The following POLG variants were observed in gnomAD, a reference collection of about 807,000 sequenced individuals.
The protein encoded by POLG is DNA polymerase subunit gamma-1.
A neutral mutation model predicts 155.4 loss-of-function variants in POLG; 110 were observed. The observed-to-expected ratio is 0.71, with a 90% confidence interval of 0.61 to 0.83. POLG has a LOEUF of 0.83. POLG is among the 40% of genes least tolerant of loss of function. The probability of loss-of-function intolerance (pLI) is 0.00; values close to 1 mark genes in which losing one functional copy is unlikely to be tolerated. For missense variants in POLG, 1,685 were observed against 1,627.5 expected (o/e 1.04, Z -0.61); for synonymous variants, 701 against 631.5 (o/e 1.11, Z -1.65).
intron 14 of POLG, 147 bp downstream of exon 14, chr15:89,322,595 C>A (rs1320035150): frequency 2.4e-6 from 2 of 817,436 alleles, no homozygotes; most frequent in African/African-American, 3.4e-5. Flanking sequence ...GGAGACCTGC[C>A]CAAGGTCCAT....
Position 89,328,688 on chromosome 15 carries a change from G to A in POLG, c.1167C>T (p.Phe389=). 1 of 1,614,104 alleles carries A rather than the reference G, an allele frequency of 6.2e-7. No individual in the cohort carries two copies. The highest frequency in any genetic ancestry group is 1.1e-5 in the South Asian group (1 of 91,084). The part of the protein sequence containing the change: ...KGTMKDIREN[F]QDLMQYCAQD... ...AGAGCCCCCTCCAGCACCATACCTGGAAGTTCTCACGAATGTCCTTCATGG... is the reference window on the plus strand; with the variant it reads ...AGAGCCCCCTCCAGCACCATACCTGAAAGTTCTCACGAATGTCCTTCATGG... Residue 389 remains phenylalanine (F), a synonymous_variant, in exon 5 of 23, where the codon TTC becomes TTT. Coordinates refer to ENST00000268124, the MANE Select transcript of POLG (RefSeq NM_002693.3).
chr15:89,316,868 A>C, intron 22 of POLG, 41 bp from the exon 23 acceptor site: 1 of 1,410,802 alleles, frequency 7.1e-7, no homozygotes, highest in Non-Finnish European at 1.0e-6. Flanking sequence ...CACCTCAAGA[A>C]CTGTAACTGA....
intron 22 of POLG, 167 bp from the exon 23 acceptor site, chr15:89,316,994 A>G (rs1437411448): frequency 2.4e-5 from 16 of 655,616 alleles, no homozygotes; most frequent in South Asian, 5.1e-5. Flanking sequence ...TTCTTTTTAT[A>G]TAAGTGTGTC....
At chr15:89,332,695 G>T (rs1024572855) in intron 2 of POLG, among the ~76,000 whole-genome samples, 29 of 152,158 alleles carry the variant, frequency 1.9e-4, no homozygotes, top group Admixed American at 1.4e-3. Context: ...CCACAAAAGG[G>T]AGCTTTCTAC....
At chr15:89,330,394 G>T (rs1216098460) in intron 2 of POLG, 118 bp from the exon 3 acceptor site, 2 of 817,248 alleles carry the variant, frequency 2.4e-6, no homozygotes, top group Non-Finnish European at 4.1e-6. Flanking sequence ...GGGGACACAA[G>T]TGAGACCAAA....
At chr15:89,325,127 T>TGAGTGAGTGAGTGAGA (rs2055473351) in intron 10 of POLG, among the ~76,000 whole-genome samples, 1 of 38,206 alleles carries the variant, frequency 2.6e-5, no homozygotes, top group African/African-American at 1.4e-4. Flanking sequence ...AGTGAGTGAG[T>TGAGTGAGTGAGTGAGA]GAGAGAGTGA....
chr15:89,326,711 T>A lies in POLG; in HGVS notation c.1613A>T (p.Glu538Val), dbSNP rs767216577. The A allele has an allele frequency of 5.0e-6, 8 of 1,613,806 alleles. No homozygotes were observed. The Admixed American group carries it at 8.3e-5, about 17-fold the overall frequency. The change falls in exon 9 of 23, where the codon GAG becomes GTG. Residue 538 changes from glutamate to valine, a missense_variant. This residue lies in a region of POLG where 1,210 missense variants were observed against 1,167.1 expected (regional missense o/e 1.04). Transcript: ENST00000268124. ...EDLGPCSEEE[E>V]FQQDVMARAC... The stretch of plus-strand genomic sequence containing the variant: ...GCGGGCCATGACATCTTGTTGAAAC[T>A]CCTCCTCCTCACTGCAGGGGCCGAG...
At position 89,319,332 on chromosome 15, in the gene POLG, C is replaced by T. The variant is rs2055359797; in HGVS notation, c.3000G>A (p.Glu1000=). ...TCAACTCCCTCACCAGCCACTCGCC[C>T]TCATCCGACAGCCGATACCTGGGGG... ...KGLRWYRLSD[E]GEWLVRELNL... Residue 1000 remains glutamate (E), a synonymous_variant, in exon 19 of 23, where the codon GAG becomes GAA. Coordinates refer to ENST00000268124, the MANE Select transcript of POLG (RefSeq NM_002693.3). 1 of 1,614,138 alleles carries T rather than the reference C, an allele frequency of 6.2e-7. No individual in the cohort carries two copies.
chr15:89,329,113 G>A lies in POLG; in HGVS notation c.856-3C>T, dbSNP rs576339221. ...TCCAGGAAACGCATGCGGGAACCCT[G>A]AGGAGGAGGAGGAGAAAAGGGAAGG... is the stretch of plus-strand genomic sequence containing the variant. On this transcript the variant is annotated splice_polypyrimidine_tract_variant and splice_region_variant and intron_variant, in intron 3 of 22. Transcript: ENST00000268124. 5 of 1,600,456 alleles carry A rather than the reference G, an allele frequency of 3.1e-6. No individual in the cohort carries two copies. The South Asian group carries it at 3.3e-5, about 11-fold the overall frequency.
intron 14 of POLG, 71 bp downstream of exon 14, chr15:89,322,671 G>A: frequency 1.3e-6 from 2 of 1,533,486 alleles, no homozygotes; most frequent in South Asian, 2.3e-5. Context: ...TGGGAATCCA[G>A]GGTTAGTCAG....
chr15:89,326,748 T>G lies in POLG; in HGVS notation c.1586-10A>C. 1 of 1,613,966 alleles carries G rather than the reference T, an allele frequency of 6.2e-7. No individual in the cohort carries two copies. The highest frequency in any genetic ancestry group is 1.7e-5 in the Admixed American group (1 of 60,024). Reference sequence around the variant, plus strand: ...CTGCAGGGGCCGAGGTCTGTGAGGGTGGGGGAAGACAATCAGGAGCAGGAG... The same window carrying G: ...CTGCAGGGGCCGAGGTCTGTGAGGGGGGGGGAAGACAATCAGGAGCAGGAG... On this transcript the variant is annotated splice_polypyrimidine_tract_variant and intron_variant, in intron 8 of 22. Coordinates refer to ENST00000268124, the MANE Select transcript of POLG (RefSeq NM_002693.3).
chr15:89,325,101 A>AGAGT (rs1300475750), intron 10 of POLG, among the ~76,000 whole-genome samples: 1 of 71,052 alleles, frequency 1.4e-5, no homozygotes, highest in Non-Finnish European at 2.5e-5. Context: ...AGTGAGTGAG[A>AGAGT]GAGTGAGAGA....
chr15:89,324,326 C>A, intron 10 of POLG, 99 bp from the exon 11 acceptor site: 1 of 1,379,042 alleles, frequency 7.3e-7, no homozygotes, highest in South Asian at 1.2e-5. Context: ...TTTGTTTAGT[C>A]CTCAGAATCA....
chr15:89,317,362 T>G lies in POLG; in HGVS notation c.3643+14A>C, dbSNP rs545559636. On this transcript the variant is annotated intron_variant, in intron 22 of 22. Transcript: ENST00000268124. ...GATCCTATGTGTAATGAGGAACAAA[T>G]GTGTTGTGCTCACCCTGGGGAATCC... 1 of 1,613,536 alleles carries G rather than the reference T, an allele frequency of 6.2e-7. No homozygotes were observed. The highest frequency in any genetic ancestry group is 2.2e-5 in the East Asian group (1 of 44,880).
In POLG at chr15:89,324,152, C is replaced by T; in HGVS notation, c.2025G>A (p.Leu675=). The T allele has an allele frequency of 6.2e-7, 1 of 1,614,038 alleles. No individual in the cohort carries two copies. ...TGTCAGTGAGCAGGAACTCCTCCGC[C>T]AGGCCGGCCTCCTGGGGCATCAGCT... is the stretch of plus-strand genomic sequence containing the variant. ...KQQLMPQEAG[L]AEEFLLTDNS... The change falls in exon 11 of 23, where the codon CTG becomes CTA. Residue 675 remains leucine, a synonymous_variant. Coordinates refer to ENST00000268124, the MANE Select transcript of POLG (RefSeq NM_002693.3).
At chr15:89,329,385 C>A (rs747016933) in intron 3 of POLG, among the ~76,000 whole-genome samples, 25 of 152,218 alleles carry the variant, frequency 1.6e-4, no homozygotes, top group Non-Finnish European at 3.4e-4. Flanking sequence ...CAGCTTCCAA[C>A]AATAGCTCTG....
At position 89,328,755 on chromosome 15, in the gene POLG, G is replaced by A. The variant is rs751761350; in HGVS notation, c.1100C>T (p.Pro367Leu). Residue 367 changes from proline (P) to leucine (L), a missense_variant, in exon 5 of 23, where the codon CCT becomes CTT. Transcript: ENST00000268124. ...TTCTCGAGGCTCCTTCTCTAAGGGA[G>A]GCCCCCCTACATAAAGTCTGTGCAC... ...AEVHRLYVGG[P>L]PLEKEPRELF... 2 of 1,614,002 alleles carry A rather than the reference G, an allele frequency of 1.2e-6. No homozygotes were observed. Among genetic ancestry groups the A allele is most frequent in the African/African-American group, 2.7e-5 (2 of 74,942 alleles).
Position 89,320,886 on chromosome 15 carries a change from A to G in POLG, c.2861T>C (p.Ile954Thr), listed in dbSNP as rs2152060969. Residue 954 changes from isoleucine to threonine, a missense_variant, in exon 18 of 23, where the codon ATC (isoleucine) becomes ACC (threonine). Coordinates refer to ENST00000268124, the MANE Select transcript of POLG (RefSeq NM_002693.3). ...AGCAAAGGGCTGCCCAGCACCATAGATGCGGCCGTAGTTGAAGATTTTGGC... is the reference window on the plus strand; with the variant it reads ...AGCAAAGGGCTGCCCAGCACCATAGGTGCGGCCGTAGTTGAAGATTTTGGC... ...EHAKIFNYGRIYGAGQPFAER... is the reference protein window; with the variant it reads ...EHAKIFNYGRTYGAGQPFAER... 1 of 1,613,910 alleles carries G rather than the reference A, an allele frequency of 6.2e-7. No individual in the cohort carries two copies. The highest frequency in any genetic ancestry group is 1.1e-5 in the South Asian group (1 of 91,086).
chr15:89,319,402 C>G (rs1450668429), intron 18 of POLG, 52 bp from the exon 19 acceptor site: 1 of 1,608,456 alleles, frequency 6.2e-7, no homozygotes, highest in Admixed American at 1.7e-5. Context: ...CTGTGCCACG[C>G]TAGTGCCTTG....
Sources: allele counts gnomAD v4.1 joint callset (sites outside exome capture counted in the v4.1 genomes callset), GRCh38; gene constraint gnomAD v4.1.1; regional missense constraint gnomAD v4.1.1; transcripts MANE v1.5; gene names NCBI Gene and HGNC (gene_info 2026-07-23, HGNC 2026-07-21).